KLHL25: variants seen among roughly 807,000 people sequenced by gnomAD.
KLHL25 encodes kelch like family member 25.
Under a neutral mutation model 30.0 loss-of-function variants are expected in KLHL25, and 41 were observed. The observed-to-expected ratio is 1.37, with a 90% CI of 1.07 to 1.78. The LOEUF is 1.78. Among genes scored for constraint, KLHL25 ranks in the 40% most tolerant of loss-of-function variants. The probability of loss-of-function intolerance (pLI) is 0.00; values close to 1 mark genes in which losing one functional copy is unlikely to be tolerated. For missense variants in KLHL25, 971 were observed against 824.5 expected, an observed-to-expected ratio of 1.18 and a Z score of -2.18; for synonymous variants, 399 against 355.3, an observed-to-expected ratio of 1.12 and a Z score of -1.38.
At position 85,769,655 on chromosome 15, in the gene KLHL25, C is replaced by T. The variant is rs142603593; in HGVS notation, c.156G>A (p.Ala52=). The change falls in exon 2 of 3, where the codon GCG becomes GCA. Residue 52 remains alanine (A), a synonymous_variant. Transcript: ENST00000337975. ...HCMFTDVTLW[A]GDRAFPCHRA... ...GGTGACAGGGGAAGGCACGGTCGCC[C>T]GCCCAGAGTGTGACGTCGGTGAACA... is the stretch of plus-strand genomic sequence containing the variant. 11 of 1,613,510 alleles carry T rather than the reference C, an allele frequency of 6.8e-6. No homozygotes were observed. The highest frequency in any genetic ancestry group is 2.7e-5 in the African/African-American group (2 of 74,942).
Position 85,769,798 on chromosome 15 carries a change from C to T in KLHL25, c.13G>A (p.Val5Ile), listed in dbSNP as rs1243466622. The T allele has an allele frequency of 6.2e-7, 1 of 1,607,762 alleles. No individual in the cohort carries two copies. Among genetic ancestry groups the T allele is most frequent in the Non-Finnish European group, 8.5e-7 (1 of 1,177,994 alleles). Reference sequence around the variant, plus strand: ...CTCCGCGACTTGCGGGTCTCATGGACACTGACCGACATGGTGCGTCAGCTT... The same window carrying T: ...CTCCGCGACTTGCGGGTCTCATGGATACTGACCGACATGGTGCGTCAGCTT... MSVS[V>I]HETRKSRSST... The change falls in exon 2 of 3, where the codon GTC (valine) becomes ATC (isoleucine). Residue 5 changes from valine to isoleucine, a missense_variant. Val to Ile is a conservative substitution (Grantham distance 29). Coordinates refer to ENST00000337975, the MANE Select transcript of KLHL25 (RefSeq NM_022480.4).
chr15:85,773,504 G>T (rs1054459174), intron 1 of KLHL25, among the ~76,000 whole-genome samples: 1 of 152,220 alleles, frequency 6.6e-6, no homozygotes, highest in Non-Finnish European at 1.5e-5. Context: ...CTGCCTCCAG[G>T]CAGCTCAGCG....
chr15:85,788,259 AC>A (rs1485282806), intron 1 of KLHL25, among the ~76,000 whole-genome samples: 2 of 152,172 alleles, frequency 1.3e-5, no homozygotes, highest in East Asian at 3.9e-4. Flanking sequence ...GAGCTGTGCT[AC>A]CCACCTGGCA....
At chr15:85,764,026 T>G (rs2089601268) in intron 2 of KLHL25, 1 of 152,328 alleles carries the variant, frequency 6.6e-6, no homozygotes, top group Non-Finnish European at 1.5e-5. Flanking sequence ...GGCCCCGGTC[T>G]GCGGCTGCCT....
rs371266172 is a variant in KLHL25, at chr15:85,769,495, A to C, written c.316T>G (p.Tyr106Asp). Residue 106 changes from tyrosine to aspartate, a missense_variant, in exon 2 of 3, where the codon TAC becomes GAC. Coordinates refer to ENST00000337975, the MANE Select transcript of KLHL25 (RefSeq NM_022480.4). The part of the protein sequence containing the change: ...EVLELLLDFA[Y>D]SSRIAINEEN... ...TCGTTGATGGCGATGCGTGAGGAGT[A>C]GGCAAAGTCCAGCAGCAGCTCCAGC... is the stretch of plus-strand genomic sequence containing the variant. 8.7e-6 allele frequency: 14 copies of C among 1,613,940 alleles called. No individual in the cohort carries two copies. The highest frequency in any genetic ancestry group is 1.3e-5 in the African/African-American group (1 of 74,942).
At chr15:85,769,875 C>G in intron 1 of KLHL25, 55 bp from the exon 2 acceptor site, 1 of 1,403,854 alleles carries the variant, frequency 7.1e-7, no homozygotes, top group Non-Finnish European at 9.7e-7. Flanking sequence ...CATCTGCCCT[C>G]TCAGGGCTCA....
chr15:85,780,674 T>C (rs2089737382), intron 1 of KLHL25, among the ~76,000 whole-genome samples: 1 of 152,244 alleles, frequency 6.6e-6, no homozygotes, highest in Non-Finnish European at 1.5e-5. Flanking sequence ...TGTTCTTCTC[T>C]AGGCTGTCAA....
chr15:85,769,117 G>T lies in KLHL25; in HGVS notation c.694C>A (p.Leu232Ile). The T allele has an allele frequency of 6.2e-7, 1 of 1,607,162 alleles. No individual in the cohort carries two copies. The highest frequency in any genetic ancestry group is 8.5e-7 in the Non-Finnish European group (1 of 1,175,218). ...AAGGCCAGACGCACGCTGCGGAGGA[G>T]CTCGGGCAAGTGGACCTTCCGTGGC... Reference protein sequence around the residue: ...LEPRKVHLPELLRSVRLALLP... With the variant: ...LEPRKVHLPEILRSVRLALLP... Residue 232 changes from leucine to isoleucine, a missense_variant, in exon 2 of 3, where the codon CTC becomes ATC. Physicochemically the swap from Leu to Ile is conservative, Grantham distance 5 (BLOSUM62 2). Coordinates refer to ENST00000337975, the MANE Select transcript of KLHL25 (RefSeq NM_022480.4).
intron 2 of KLHL25, chr15:85,761,379 T>G (rs1394431509): frequency 6.6e-6 from 1 of 152,340 alleles, no homozygotes; most frequent in Admixed American, 6.5e-5. Flanking sequence ...TGGTTGCAGG[T>G]GAGCACCATC....
chr15:85,775,111 A>G (rs938117668), intron 1 of KLHL25, among the ~76,000 whole-genome samples: 17 of 152,198 alleles, frequency 1.1e-4, no homozygotes, highest in Admixed American at 9.8e-4. Context: ...TCCTGACCTC[A>G]GGTGATCTGC....
intron 2 of KLHL25, chr15:85,764,152 G>C (rs1338360859): frequency 6.6e-6 from 1 of 152,340 alleles, no homozygotes; most frequent in Non-Finnish European, 1.5e-5. Context: ...GGGAAGGCCA[G>C]GCATGCCCGG....
Position 85,769,277 on chromosome 15 carries a change from C to A in KLHL25, c.534G>T (p.Thr178=). Residue 178 remains threonine (T), a synonymous_variant, in exon 2 of 3, where the codon ACG becomes ACT. Transcript: ENST00000337975. ...TGTTGAAGTCCTCGCTCTGCCTCAC[C>A]GTCTCAAAGTGCACCAGGCACATGC... ...SWRMCLVHFE[T]VRQSEDFNSL... is the part of the protein sequence containing the mutation. 1 of 1,613,982 alleles carries A rather than the reference C, an allele frequency of 6.2e-7. No individual in the cohort carries two copies. Among genetic ancestry groups the A allele is most frequent in the Non-Finnish European group, 8.5e-7 (1 of 1,180,042 alleles).
chr15:85,790,007 C>G (rs76304661), intron 1 of KLHL25, among the ~76,000 whole-genome samples: 2 of 152,324 alleles, frequency 1.3e-5, no homozygotes, highest in Non-Finnish European at 2.9e-5. Context: ...GGTGAAAAAA[C>G]TAGATCCCAG....
intron 1 of KLHL25, among the ~76,000 whole-genome samples, chr15:85,775,840 G>A (rs1472218524): frequency 1.4e-5 from 2 of 147,694 alleles, no homozygotes; most frequent in Admixed American, 1.4e-4. Context: ...GCCCAGCCAG[G>A]CTGCTGCCTT....
At chr15:85,782,031 A>C (rs2089746701) in intron 1 of KLHL25, among the ~76,000 whole-genome samples, 1 of 151,422 alleles carries the variant, frequency 6.6e-6, no homozygotes, top group South Asian at 2.1e-4. Context: ...TCTCACCCAC[A>C]GGACCACCTC....
In KLHL25 at chr15:85,783,000, A is replaced by T. The variant is rs549290271; in HGVS notation, c.-11+11766T>A. On this transcript the variant is annotated intron_variant, in intron 1 of 2. Transcript: ENST00000337975. ...ACCCACGGGAGAAAGAATCAAAATGATCCAGAGATCTGTTAGACCCACCTG... is the reference window on the plus strand; with the variant it reads ...ACCCACGGGAGAAAGAATCAAAATGTTCCAGAGATCTGTTAGACCCACCTG... 9.2e-5 allele frequency among the ~76,000 whole-genome samples: 14 copies of T among 152,314 alleles called. No individual in the cohort carries two copies. In the East Asian group the frequency reaches 1.7e-3, roughly 19 times the overall value.
At chr15:85,788,091 A>G (rs941337058) in intron 1 of KLHL25, among the ~76,000 whole-genome samples, 1 of 149,762 alleles carries the variant, frequency 6.7e-6, no homozygotes, top group African/African-American at 2.5e-5. Context: ...AAATCCATTG[A>G]TATATTATTT....
chr15:85,762,845 G>C (rs1333081726), intron 2 of KLHL25: 1 of 152,258 alleles, frequency 6.6e-6, no homozygotes, highest in Non-Finnish European at 1.5e-5. Context: ...TAAGACAGGA[G>C]AGAATGTACT....
chr15:85,791,255 GGAGGCT>G (rs1368954131), intron 1 of KLHL25, among the ~76,000 whole-genome samples: 1 of 149,908 alleles, frequency 6.7e-6, no homozygotes, highest in Non-Finnish European at 1.5e-5. Flanking sequence ...CAGCACTTTA[GGAGGCT>G]GAGGCGGGTG....
Sources: allele counts gnomAD v4.1 joint callset (sites outside exome capture counted in the v4.1 genomes callset), GRCh38; gene constraint gnomAD v4.1.1; transcripts MANE v1.5; gene names NCBI Gene and HGNC (gene_info 2026-07-23, HGNC 2026-07-21).